The following ZNF554 variants were observed in gnomAD, a reference collection of about 807,000 sequenced individuals.
ZNF554 encodes the protein zinc finger protein 554.
Under a neutral mutation model 21.2 loss-of-function variants are expected in ZNF554, and 15 were observed. The ratio of observed to expected loss-of-function variants is 0.71; its 90% CI spans 0.47 to 1.09. ZNF554 has a LOEUF of 1.09. ZNF554 is among the 50% of genes least tolerant of loss of function. ZNF554 has a pLI of 0.00. For synonymous variants in ZNF554, 258 were observed against 251.4 expected, an observed-to-expected ratio of 1.03 and a Z score of -0.25; for missense variants, 691 against 662.7, an observed-to-expected ratio of 1.04 and a Z score of -0.47.
At chr19:2,832,593 T>G in intron 4 of ZNF554, 99 bp downstream of exon 4, 1 of 1,271,218 alleles carries the variant, frequency 7.9e-7, no homozygotes, top group Non-Finnish European at 1.1e-6. Context: ...GTAAGGAGAA[T>G]GCCAAGATCC....
At chr19:2,825,180 T>A (rs2087315736) in intron 2 of ZNF554, among the ~76,000 whole-genome samples, 1 of 152,094 alleles carries the variant, frequency 6.6e-6, no homozygotes, top group South Asian at 2.1e-4. Flanking sequence ...ACCCAGCCAA[T>A]TTTTGTATTA....
At chr19:2,822,575 G>A (rs1486578807) in intron 1 of ZNF554, among the ~76,000 whole-genome samples, 1 of 152,116 alleles carries the variant, frequency 6.6e-6, no homozygotes, top group African/African-American at 2.4e-5. Flanking sequence ...CCATAAAATG[G>A]GGCCTTTAAG....
At position 2,825,000 on chromosome 19, in the gene ZNF554, G is replaced by GTTTTTTTTTTTTTTTTTTTTT. The variant is rs1568332468; in HGVS notation, c.126+1890_126+1891insTTTTTTTTTTTTTTTTTTTTT. The stretch of plus-strand genomic sequence containing the variant: ...TCTCACTGAGCATAACGTGATTGCA[G>GTTTTTTTTTTTTTTTTTTTTT]TTGTTTTTTTTTTTTTTTTTTTTTT... On this transcript the variant is annotated intron_variant, in intron 2 of 4. Coordinates refer to ENST00000317243, the MANE Select transcript of ZNF554 (RefSeq NM_001102651.2). Among the ~76,000 whole-genome samples, 7 of 114,914 alleles carry GTTTTTTTTTTTTTTTTTTTTT rather than the reference G, an allele frequency of 6.1e-5. 3 individuals are homozygous for GTTTTTTTTTTTTTTTTTTTTT. Among genetic ancestry groups the GTTTTTTTTTTTTTTTTTTTTT allele is most frequent in the Admixed American group, 1.9e-4 (2 of 10,448 alleles). 75.4% of individuals were successfully genotyped at this position (114,914 alleles called of 152,430 possible). A position where few individuals can be genotyped will look rare whatever the true frequency, so the allele number is the denominator to read the frequency against.
At position 2,833,697 on chromosome 19, in the gene ZNF554, A is replaced by G; in HGVS notation, c.462A>G (p.Leu154=). 1 of 1,526,150 alleles carries G rather than the reference A, an allele frequency of 6.6e-7. No homozygotes were observed. Among genetic ancestry groups the G allele is most frequent in the Non-Finnish European group, 8.8e-7 (1 of 1,137,834 alleles). The allele number at this position is 1,526,150 out of a possible 1,614,324, so 94.5% of individuals were successfully genotyped here. A position where few individuals can be genotyped will look rare whatever the true frequency, so the allele number is the denominator to read the frequency against. ...QASCSDWMTV[L]RNQDSTYKKV... ...TTATTTCAGATTGGATGACTGTACTAAGAAACCAAGACTCAACTTACAAGA... is the reference window on the plus strand; with the variant it reads ...TTATTTCAGATTGGATGACTGTACTGAGAAACCAAGACTCAACTTACAAGA... The change falls in exon 5 of 5, where the codon CTA becomes CTG. Residue 154 remains leucine (L), a synonymous_variant. Coordinates refer to ENST00000317243, the MANE Select transcript of ZNF554 (RefSeq NM_001102651.2).
rs879795870 is a variant in ZNF554, at chr19:2,835,999, AT to A, written c.*1157del. On this transcript the variant is annotated 3_prime_UTR_variant, in exon 5 of 5. Coordinates refer to ENST00000317243, the MANE Select transcript of ZNF554 (RefSeq NM_001102651.2). The stretch of plus-strand genomic sequence containing the variant: ...GTGCACCGCTACCACACCCAGCTAA[AT>A]TTTTTTTTTGTATTTTTGTAGTGAT... Among the ~76,000 whole-genome samples the A allele has an allele frequency of 3.3e-5, 5 of 149,644 alleles. No homozygotes were observed. Among genetic ancestry groups the A allele is most frequent in the African/African-American group, 4.9e-5 (2 of 40,758 alleles).
chr19:2,833,552 T>A, intron 4 of ZNF554, 129 bp from the exon 5 acceptor site: 1 of 706,216 alleles, frequency 1.4e-6, no homozygotes, highest in Non-Finnish European at 2.2e-6. Context: ...CCTTCCCGCA[T>A]GTTCAGAGTT....
chr19:2,827,059 A>G (rs1012592188), intron 2 of ZNF554, among the ~76,000 whole-genome samples: 5 of 152,176 alleles, frequency 3.3e-5, no homozygotes, highest in Non-Finnish European at 7.3e-5. Flanking sequence ...AGTTTTGAGG[A>G]AGGTCCTGTT....
intron 3 of ZNF554, among the ~76,000 whole-genome samples, chr19:2,829,083 G>A (rs1239417250): frequency 6.6e-6 from 1 of 152,178 alleles, no homozygotes; most frequent in Non-Finnish European, 1.5e-5. Flanking sequence ...TGTAGGCTGG[G>A]CGTGGTGGTT....
chr19:2,827,774 A>C (rs1482155847), intron 3 of ZNF554, 31 bp downstream of exon 3: 2 of 1,613,052 alleles, frequency 1.2e-6, no homozygotes, highest in Admixed American at 3.3e-5. Flanking sequence ...TCCTGTGTTC[A>C]TTGATTCACA....
intron 2 of ZNF554, 62 bp downstream of exon 2, chr19:2,823,174 A>T: frequency 6.5e-7 from 1 of 1,533,540 alleles, no homozygotes; most frequent in East Asian, 2.3e-5. Flanking sequence ...ATCCCACCAG[A>T]AACTCAGTCC....
At chr19:2,829,605 C>G (rs1360750796) in intron 3 of ZNF554, among the ~76,000 whole-genome samples, 1 of 152,026 alleles carries the variant, frequency 6.6e-6, no homozygotes, top group Non-Finnish European at 1.5e-5. Context: ...CCACTGGACT[C>G]CAGCCTGGGC....
At chr19:2,833,538 C>G (rs1256361590) in intron 4 of ZNF554, 143 bp from the exon 5 acceptor site, 1 of 626,928 alleles carries the variant, frequency 1.6e-6, no homozygotes, top group Non-Finnish European at 2.5e-6. Flanking sequence ...TCTCTTTTTC[C>G]CATCCTTCCC....
rs2087492303 is a variant in ZNF554 at position 2,835,963 on chromosome 19, G to A, written c.*1111G>A. 6.6e-6 allele frequency among the ~76,000 whole-genome samples: 1 copy of A among 152,008 alleles called. No homozygotes were observed. Among genetic ancestry groups the A allele is most frequent in the African/African-American group, 2.4e-5 (1 of 41,380 alleles). On this transcript the variant is annotated 3_prime_UTR_variant, in exon 5 of 5. Transcript: ENST00000317243. ...CCCACCTCAGCCTCTCCGGTAGCTGGGACTACACATGTGCACCGCTACCAC... is the reference window on the plus strand; with the variant it reads ...CCCACCTCAGCCTCTCCGGTAGCTGAGACTACACATGTGCACCGCTACCAC...
Position 2,832,336 on chromosome 19 carries a change from T to C in ZNF554, c.287T>C (p.Ile96Thr). 16 of 1,611,994 alleles carry C rather than the reference T, an allele frequency of 9.9e-6. No homozygotes were observed. The highest frequency in any genetic ancestry group is 1.4e-5 in the Non-Finnish European group (16 of 1,179,170). Residue 96 changes from isoleucine (I) to threonine (T), a missense_variant, in exon 4 of 5, where the codon ATT (isoleucine) becomes ACT (threonine). By Grantham distance (89) the Ile-to-Thr change is moderately conservative. Coordinates refer to ENST00000317243, the MANE Select transcript of ZNF554 (RefSeq NM_001102651.2). ...ALKNQCTDVG[I>T]KEGPLSPAQT... ...AAGAACCAATGTACTGATGTGGGGA[T>C]TAAAGAGGGTCCACTTTCCCCAGCA...
Position 2,835,730 on chromosome 19 carries a change from G to A in ZNF554, c.*878G>A. On this transcript the variant is annotated 3_prime_UTR_variant, in exon 5 of 5. Transcript: ENST00000317243. The stretch of plus-strand genomic sequence containing the variant: ...GGGATCTTGCCAAGAACCATCACGT[G>A]TTAATTTAGTTGCTTAAACAAAAGG... 1 of 152,242 alleles carries A rather than the reference G, an allele frequency of 6.6e-6. No homozygotes were observed. The highest frequency in any genetic ancestry group is 1.5e-5 in the Non-Finnish European group (1 of 68,042). The allele number at this position is 152,242 out of a possible 1,614,324, so 9.4% of individuals were successfully genotyped here.
chr19:2,821,201 C>T lies in ZNF554; in HGVS notation c.53+1077C>T, dbSNP rs113417565. On this transcript the variant is annotated intron_variant, in intron 1 of 4. Coordinates refer to ENST00000317243, the MANE Select transcript of ZNF554 (RefSeq NM_001102651.2). The surrounding 1 kb of genome is among the most constrained non-coding windows in gnomAD (Gnocchi z 8.2). ...TCGTGGGTTCAAGTGATTCTCCTGCCTCAGCCTCCCAAGTAGCTGGGATTA... is the reference window on the plus strand; with the variant it reads ...TCGTGGGTTCAAGTGATTCTCCTGCTTCAGCCTCCCAAGTAGCTGGGATTA... Among the ~76,000 whole-genome samples, 1,328 of 151,868 alleles carry T rather than the reference C, an allele frequency of 8.7e-3. 8 individuals are homozygous for T. Among genetic ancestry groups the T allele is most frequent in the Non-Finnish European group, 0.016 (1,077 of 68,000 alleles).
At position 2,833,750 on chromosome 19, in the gene ZNF554, G is replaced by A. The variant is rs113785323; in HGVS notation, c.515G>A (p.Ser172Asn). ...GTGGCTTTGCAGGAGGAACCAGCCA[G>A]TGGTATAAATATGATAAAGCTTATC... ...KKVALQEEPA[S>N]GINMIKLIRE... Residue 172 changes from serine to asparagine, a missense_variant, in exon 5 of 5, where the codon AGT (serine) becomes AAT (asparagine). Transcript: ENST00000317243. 7.0e-4 allele frequency: 1,109 copies of A among 1,579,390 alleles called. 5 individuals carry two copies. The African/African-American group carries it at 0.013, about 19-fold the overall frequency.
intron 2 of ZNF554, among the ~76,000 whole-genome samples, chr19:2,823,932 T>G (rs1018094808): frequency 2.6e-5 from 4 of 152,082 alleles, no homozygotes; most frequent in Non-Finnish European, 4.4e-5. Context: ...GCCCCCAGTC[T>G]TCAGGCCCTC....
chr19:2,829,828 CTG>C (rs1388548814), intron 3 of ZNF554, among the ~76,000 whole-genome samples: 7 of 152,156 alleles, frequency 4.6e-5, no homozygotes, highest in Admixed American at 4.6e-4. Context: ...AACCAAAACT[CTG>C]TACCCGTTAA....
Sources: allele counts gnomAD v4.1 joint callset (sites outside exome capture counted in the v4.1 genomes callset), GRCh38; gene constraint gnomAD v4.1.1; non-coding constraint Gnocchi (gnomAD v3.1); transcripts MANE v1.5; gene names NCBI Gene and HGNC (gene_info 2026-07-23, HGNC 2026-07-21).